The following PCSK5 variants were observed in gnomAD, a reference collection of about 807,000 sequenced individuals.
PCSK5 encodes prohormone convertase 5.
A neutral mutation model predicts 233.2 loss-of-function variants in PCSK5; 129 were observed. That is an observed-to-expected ratio of 0.55 (90% CI 0.48 to 0.64). The LOEUF (loss-of-function observed/expected upper bound fraction) is 0.64, where lower values mean the gene tolerates loss of function less well. PCSK5 is among the 30% of genes least tolerant of loss of function. The pLI is 0.00. For missense variants in PCSK5, 2,076 were observed against 2,430.1 expected (o/e 0.85, Z 3.06); for synonymous variants, 825 against 879.2 (o/e 0.94, Z 1.09).
At chr9:76,341,924 A>G (rs551475352) in intron 35 of PCSK5, among the ~76,000 whole-genome samples, 355 of 152,284 alleles carry the variant, frequency 2.3e-3, no homozygotes, top group Non-Finnish European at 4.5e-3. Context: ...CTAAGCCTGG[A>G]TTTTGGCTCT....
chr9:75,915,371 A>G (rs1232642326), intron 1 of PCSK5, among the ~76,000 whole-genome samples: 1 of 152,258 alleles, frequency 6.6e-6, no homozygotes, highest in African/African-American at 2.4e-5. Flanking sequence ...GAATAGAGAC[A>G]TAGCTGCATA....
chr9:76,069,996 ATTTT>A (rs146321207), intron 6 of PCSK5, among the ~76,000 whole-genome samples: 28 of 122,542 alleles, frequency 2.3e-4, no homozygotes, highest in Admixed American at 3.4e-4. Flanking sequence ...TTCCATTCCA[ATTTT>A]TTTTTTTTTT....
chr9:76,291,846 C>A (rs1201464871), intron 24 of PCSK5, among the ~76,000 whole-genome samples: 2 of 152,188 alleles, frequency 1.3e-5, no homozygotes, highest in African/African-American at 4.8e-5. Flanking sequence ...GGAAAACCCT[C>A]TATTCAGGGT....
At chr9:75,928,638 T>TATATATATATATAA (rs1491404962) in intron 1 of PCSK5, among the ~76,000 whole-genome samples, 15 of 128,594 alleles carry the variant, frequency 1.2e-4, no homozygotes, top group African/African-American at 4.1e-4. Flanking sequence ...TATATATATA[T>TATATATATATATAA]AATCCTAGAA....
At chr9:75,969,195 G>A (rs976172008) in intron 2 of PCSK5, among the ~76,000 whole-genome samples, 1 of 152,202 alleles carries the variant, frequency 6.6e-6, no homozygotes, top group South Asian at 2.1e-4. Flanking sequence ...AAGTGATCTG[G>A]ATGCCAGTTC....
chr9:76,197,971 A>C (rs1824767069), intron 20 of PCSK5, among the ~76,000 whole-genome samples: 1 of 152,230 alleles, frequency 6.6e-6, no homozygotes. Flanking sequence ...AGCTCATTAG[A>C]ACTACTTGGC....
intron 21 of PCSK5, among the ~76,000 whole-genome samples, chr9:76,232,477 A>T (rs1826123122): frequency 6.6e-6 from 1 of 152,160 alleles, no homozygotes; most frequent in Non-Finnish European, 1.5e-5. Flanking sequence ...TGAGCAGCGG[A>T]TCTCAAAGAG....
chr9:75,935,843 T>C (rs1824031649), intron 2 of PCSK5, among the ~76,000 whole-genome samples: 1 of 152,210 alleles, frequency 6.6e-6, no homozygotes, highest in South Asian at 2.1e-4. Flanking sequence ...TACATCAGAT[T>C]GAGAGGCACA....
intron 5 of PCSK5, among the ~76,000 whole-genome samples, chr9:76,048,809 A>G (rs1217166774): frequency 1.3e-5 from 2 of 152,238 alleles, no homozygotes; most frequent in Non-Finnish European, 2.9e-5. Context: ...TATATTAAGT[A>G]TTCTTTCCAA....
chr9:76,193,457 C>T, intron 20 of PCSK5: 1 of 803,776 alleles, frequency 1.2e-6, no homozygotes, highest in Non-Finnish European at 1.8e-6. Context: ...CCACCTCTCT[C>T]TTTCTTTTCT....
At chr9:76,184,921 T>A (rs1160010121) in intron 17 of PCSK5, among the ~76,000 whole-genome samples, 164 bp downstream of exon 17, 1 of 152,224 alleles carries the variant, frequency 6.6e-6, no homozygotes, top group African/African-American at 2.4e-5. Context: ...TCTCTGCTAT[T>A]ATATGTGAAA....
chr9:76,154,933 C>T lies in PCSK5; in HGVS notation c.1313-2112C>T, dbSNP rs534651974. On this transcript the variant is annotated intron_variant, in intron 10 of 37. Transcript: ENST00000674117. ...TTTTTAATTACCCCTCATGATGTTA[C>T]GGAACTAAAACTAAATATTCAGAAT... Among the ~76,000 whole-genome samples the T allele has an allele frequency of 3.3e-5, 5 of 152,176 alleles. No homozygotes were observed. In the South Asian group the frequency reaches 6.2e-4, roughly 19 times the overall value.
At chr9:76,081,333 A>T (rs1936387387) in intron 7 of PCSK5, among the ~76,000 whole-genome samples, 1 of 152,144 alleles carries the variant, frequency 6.6e-6, no homozygotes, top group African/African-American at 2.4e-5. Flanking sequence ...CCACACCTGT[A>T]ATGCCAGCTA....
At chr9:76,275,423 T>G (rs3858118) in intron 24 of PCSK5, among the ~76,000 whole-genome samples, 1,684 of 151,884 alleles carry the variant, frequency 0.011, 32 homozygotes, top group African/African-American at 0.039. Flanking sequence ...TTTTTGGGGG[T>G]TTTTTGTTTG....
intron 3 of PCSK5, among the ~76,000 whole-genome samples, chr9:76,009,605 G>A (rs1009916319): frequency 4.7e-5 from 7 of 148,760 alleles, no homozygotes; most frequent in East Asian, 2.0e-4. Context: ...CCAGCCTGGC[G>A]ACAGAGCGAG....
chr9:76,096,072 C>T lies in PCSK5; in HGVS notation c.1077C>T (p.Tyr359=), dbSNP rs780782640. Residue 359 remains tyrosine (Y), a synonymous_variant, in exon 8 of 38, where the codon TAC becomes TAT. Coordinates refer to ENST00000674117, the MANE Select transcript of PCSK5 (RefSeq NM_001372043.1). ...EECSSTLATT[Y]SSGESYDKKI... ...GTTCATCCACGCTGGCCACAACCTA[C>T]AGCAGCGGGGAGTCCTACGATAAGA... 116 of 1,613,914 alleles carry T rather than the reference C, an allele frequency of 7.2e-5. No individual in the cohort carries two copies. The highest frequency in any genetic ancestry group is 8.9e-5 in the Non-Finnish European group (105 of 1,179,960).
chr9:76,258,309 C>A (rs1001675186), intron 24 of PCSK5, among the ~76,000 whole-genome samples: 1 of 152,032 alleles, frequency 6.6e-6, no homozygotes, highest in South Asian at 2.1e-4. Flanking sequence ...TAAAATCAAC[C>A]CAAAAATATA....
At position 75,917,193 on chromosome 9, in the gene PCSK5, G is replaced by A. The variant is rs117330596; in HGVS notation, c.193-15186G>A. Among the ~76,000 whole-genome samples the A allele has an allele frequency of 8.6e-3, 1,280 of 149,292 alleles. 13 individuals carry two copies. The highest frequency in any genetic ancestry group is 0.013 in the Non-Finnish European group (846 of 67,316). On this transcript the variant is annotated intron_variant, in intron 1 of 37. Coordinates refer to ENST00000674117, the MANE Select transcript of PCSK5 (RefSeq NM_001372043.1). ...CAGAAAAAAAAAAAAAAAAAAAGAT[G>A]GGAAAAGCATATGAATATAAGCAGT...
Position 75,995,777 on chromosome 9 carries a change from A to T in PCSK5, c.411+9532A>T, listed in dbSNP as rs955502098. Among the ~76,000 whole-genome samples the T allele has an allele frequency of 4.2e-4, 61 of 146,434 alleles. No individual in the cohort carries two copies. In the Admixed American group the frequency reaches 4.2e-3, roughly 10 times the overall value. ...CACACACACACACACACACACACAC[A>T]CACACTCACACCTCTCTGATCTTGT... On this transcript the variant is annotated intron_variant, in intron 3 of 37. Coordinates refer to ENST00000674117, the MANE Select transcript of PCSK5 (RefSeq NM_001372043.1).
Sources: allele counts gnomAD v4.1 joint callset (sites outside exome capture counted in the v4.1 genomes callset), GRCh38; gene constraint gnomAD v4.1.1; transcripts MANE v1.5; gene names NCBI Gene and HGNC (gene_info 2026-07-23, HGNC 2026-07-21).